The following TRIM24 variants were observed in gnomAD, a reference collection of about 807,000 sequenced individuals.
The protein encoded by TRIM24 is tripartite motif containing 24.
A neutral mutation model predicts 123.9 loss-of-function variants in TRIM24; 29 were observed. The observed-to-expected ratio is 0.23, with a 90% CI of 0.17 to 0.32. TRIM24 has a LOEUF of 0.32. Ranked by LOEUF, TRIM24 falls within the 10% of genes least tolerant of loss-of-function variation. The pLI is 1.00. For synonymous variants in TRIM24, 456 were observed against 461.1 expected, an observed-to-expected ratio of 0.99 and a Z score of 0.14; for missense variants, 932 against 1,295.3, an observed-to-expected ratio of 0.72 and a Z score of 4.31.
At chr7:138,495,755 A>T (rs1394836371) in intron 1 of TRIM24, among the ~76,000 whole-genome samples, 4 of 151,932 alleles carry the variant, frequency 2.6e-5, no homozygotes, top group Admixed American at 6.6e-5. Context: ...GTCTAGTGTG[A>T]TGTATTTAGA....
intron 4 of TRIM24, 143 bp downstream of exon 4, chr7:138,519,464 T>G: frequency 2.3e-6 from 2 of 862,634 alleles, no homozygotes; most frequent in Non-Finnish European, 3.5e-6. Context: ...GGTTTGTCAC[T>G]TTTGACACTA....
Position 138,530,294 on chromosome 7 carries a change from G to T in TRIM24, c.996+1064G>T, listed in dbSNP as rs1796703564. On this transcript the variant is annotated intron_variant, in intron 6 of 18. Transcript: ENST00000343526. ...ACTGCTTAAAATCAAATATCACTTT[G>T]ATTTGCTTTCCCAGATATTAGTAGT... is the stretch of plus-strand genomic sequence containing the variant. Among the ~76,000 whole-genome samples, 3 of 151,576 alleles carry T rather than the reference G, an allele frequency of 2.0e-5. No homozygotes were observed. The South Asian group carries it at 6.3e-4, about 32-fold the overall frequency.
chr7:138,512,721 A>G (rs550157210), intron 2 of TRIM24, among the ~76,000 whole-genome samples: 1 of 152,146 alleles, frequency 6.6e-6, no homozygotes, highest in East Asian at 1.9e-4. Flanking sequence ...CTGTAAAACC[A>G]TTCAGTCCTT....
rs773924985 is a variant in TRIM24 at position 138,551,140 on chromosome 7, C to T, written c.1221C>T (p.His407=). The T allele has an allele frequency of 6.2e-7, 1 of 1,613,856 alleles. No individual in the cohort carries two copies. Among genetic ancestry groups the T allele is most frequent in the Non-Finnish European group, 8.5e-7 (1 of 1,179,778 alleles). ...SPVTNNTIQF[H]CDPSFWAQNI... is the part of the protein sequence containing the mutation. ...TGACCAACAACACCATCCAATTTCA[C>T]TGTGATCCTAGTTTCTGGGCTCAAA... Residue 407 remains histidine (H), a synonymous_variant, in exon 8 of 19, where the codon CAC becomes CAT. Coordinates refer to ENST00000343526, the MANE Select transcript of TRIM24 (RefSeq NM_015905.3).
intron 1 of TRIM24, among the ~76,000 whole-genome samples, chr7:138,463,382 G>A (rs532570768): frequency 1.3e-5 from 2 of 151,876 alleles, no homozygotes; most frequent in South Asian, 2.1e-4. Flanking sequence ...TCAGCTGGGC[G>A]CCACACCTGG....
intron 2 of TRIM24, among the ~76,000 whole-genome samples, chr7:138,509,422 G>A (rs959677454): frequency 3.3e-5 from 5 of 150,136 alleles, no homozygotes; most frequent in African/African-American, 9.7e-5. Context: ...AGAATTATAA[G>A]GCCAGGCATG....
chr7:138,578,311 A>G (rs1366628111), intron 14 of TRIM24, among the ~76,000 whole-genome samples: 1 of 152,214 alleles, frequency 6.6e-6, no homozygotes, highest in Non-Finnish European at 1.5e-5. Flanking sequence ...ACACCTGAGT[A>G]CGAATGTAAC....
At chr7:138,512,685 G>T (rs915290391) in intron 2 of TRIM24, among the ~76,000 whole-genome samples, 2 of 152,094 alleles carry the variant, frequency 1.3e-5, no homozygotes, top group African/African-American at 4.8e-5. Context: ...CTTCTCAGGG[G>T]AGTGAGCCCC....
chr7:138,516,457 C>T (rs2116558356), intron 3 of TRIM24, among the ~76,000 whole-genome samples: 1 of 152,316 alleles, frequency 6.6e-6, no homozygotes, highest in African/African-American at 2.4e-5. Flanking sequence ...CCTCTGCCAC[C>T]TGGGTTCATG....
intron 12 of TRIM24, among the ~76,000 whole-genome samples, chr7:138,574,845 G>A (rs1265478288): frequency 6.6e-6 from 1 of 152,162 alleles, no homozygotes; most frequent in African/African-American, 2.4e-5. Context: ...CTTGGAAAAT[G>A]TATGTACCCT....
intron 1 of TRIM24, among the ~76,000 whole-genome samples, chr7:138,491,839 A>AT (rs1185108332): frequency 1.3e-5 from 2 of 151,964 alleles, no homozygotes; most frequent in Non-Finnish European, 2.9e-5. Flanking sequence ...TATTTATTTA[A>AT]TTTTTTGGAT....
intron 1 of TRIM24, among the ~76,000 whole-genome samples, chr7:138,484,296 A>T (rs527909319): frequency 1.3e-5 from 2 of 151,832 alleles, no homozygotes; most frequent in East Asian, 3.9e-4. Flanking sequence ...TTTAGTAGAG[A>T]TGGTGTTTCA....
At chr7:138,463,474 C>T (rs1171427335) in intron 1 of TRIM24, among the ~76,000 whole-genome samples, 1 of 152,128 alleles carries the variant, frequency 6.6e-6, no homozygotes, top group African/African-American at 2.4e-5. Flanking sequence ...TCAGGTGATC[C>T]ACCTGCCACA....
chr7:138,560,487 A>C, intron 9 of TRIM24, among the ~76,000 whole-genome samples: 1 of 152,190 alleles, frequency 6.6e-6, no homozygotes, highest in Non-Finnish European at 1.5e-5. Context: ...GTCCATTAGT[A>C]GGTTTTTACA....
intron 1 of TRIM24, among the ~76,000 whole-genome samples, chr7:138,479,737 A>G (rs1795485544): frequency 6.6e-6 from 1 of 151,676 alleles, no homozygotes; most frequent in Non-Finnish European, 1.5e-5. Flanking sequence ...CGAACTCCCG[A>G]TCTCAGGTGA....
chr7:138,482,574 A>G (rs1305517397), intron 1 of TRIM24, among the ~76,000 whole-genome samples: 1 of 152,204 alleles, frequency 6.6e-6, no homozygotes, highest in East Asian at 1.9e-4. Context: ...CTTATGAACC[A>G]CAAAAGGATC....
chr7:138,573,414 A>G, intron 11 of TRIM24, 93 bp from the exon 12 acceptor site: 1 of 1,180,368 alleles, frequency 8.5e-7, no homozygotes, highest in Non-Finnish European at 1.1e-6. Flanking sequence ...ATTCGATAAT[A>G]ATTATTAAGT....
intron 1 of TRIM24, among the ~76,000 whole-genome samples, chr7:138,493,588 A>G (rs1191416132): frequency 3.9e-5 from 6 of 152,220 alleles, no homozygotes; most frequent in African/African-American, 1.4e-4. Context: ...GTGTTCTGAT[A>G]GATGTCACCA....
intron 2 of TRIM24, among the ~76,000 whole-genome samples, chr7:138,508,684 T>TGCGCGCGCGCGC (rs747170764): frequency 1.1e-4 from 6 of 53,500 alleles, no homozygotes; most frequent in African/African-American, 3.7e-4. Flanking sequence ...TGTGTGTGTG[T>TGCGCGCGCGCGC]GTGTGTGTGC....
Sources: gnomAD v4.1 joint callset for allele counts (sites outside exome capture counted in the v4.1 genomes callset) on GRCh38, gnomAD v4.1.1 for gene constraint, MANE v1.5 for transcripts, NCBI Gene and HGNC (gene_info 2026-07-23, HGNC 2026-07-21) for gene names.